UBR4: variants seen among roughly 807,000 people sequenced by gnomAD.
The protein encoded by UBR4 is ubiquitin protein ligase E3 component n-recognin 4, also known as E3 ubiquitin-protein ligase UBR4.
Under a neutral mutation model 575.6 loss-of-function variants are expected in UBR4, and 124 were observed. The observed-to-expected ratio is 0.22, with a 90% CI of 0.19 to 0.25. The LOEUF is 0.25. Among genes scored for constraint, UBR4 ranks in the 10% least tolerant of loss-of-function variants. The probability of loss-of-function intolerance (pLI) is 1.00; values close to 1 mark genes in which losing one functional copy is unlikely to be tolerated. For synonymous variants in UBR4, 2,455 were observed against 2,473.7 expected (o/e 0.99, Z 0.22); for missense variants, 4,818 against 6,478.8 (o/e 0.74, Z 8.80).
intron 60 of UBR4, 82 bp downstream of exon 60, chr1:19,137,925 C>CTCCTGCA: frequency 7.6e-7 from 1 of 1,312,202 alleles, no homozygotes. Context: ...ACTACTCTAC[C>CTCCTGCA]TCCTGCAATT....
chr1:19,117,293 G>A lies in UBR4; in HGVS notation c.10751C>T (p.Thr3584Ile). The change falls in exon 73 of 106, where the codon ACC becomes ATC. Residue 3584 changes from threonine (T) to isoleucine (I), a missense_variant. By Grantham distance (89) the Thr-to-Ile change is moderately conservative. Transcript: ENST00000375254. The surrounding 1 kb of genome is among the most constrained non-coding windows in gnomAD (Gnocchi z 4.0). ...CAGGTTGATGGTCCGCACCATCTTG[G>A]TCCGTTTCAGATCCCCGATTTTCAC... ...VTVKIGDLKR[T>I]KMVRTINLYY... The A allele has an allele frequency of 6.2e-7, 1 of 1,614,134 alleles. No individual in the cohort carries two copies. The highest frequency in any genetic ancestry group is 8.5e-7 in the Non-Finnish European group (1 of 1,180,022).
In UBR4 at chr1:19,155,646, G is replaced by A; in HGVS notation, c.6095C>T (p.Ala2032Val). The A allele has an allele frequency of 1.9e-6, 3 of 1,614,056 alleles. No homozygotes were observed. The South Asian group carries it at 3.3e-5, about 18-fold the overall frequency. Residue 2032 changes from alanine (A) to valine (V), a missense_variant, in exon 43 of 106, where the codon GCC (alanine) becomes GTC (valine). Physicochemically the swap from Ala to Val is moderately conservative, Grantham distance 64. Transcript: ENST00000375254. The stretch of plus-strand genomic sequence containing the variant: ...GAGAAAATAGAAGGTTGGACTCAAG[G>A]CATCAACACACAGGTCATAAATCTG... ...FVKIYDLCVDALSPTFYFLLP... is the reference protein window; with the variant it reads ...FVKIYDLCVDVLSPTFYFLLP...
chr1:19,184,301 G>T, intron 15 of UBR4, 126 bp from the exon 16 acceptor site: 1 of 1,060,864 alleles, frequency 9.4e-7, no homozygotes, highest in Non-Finnish European at 1.3e-6. Flanking sequence ...ATGAATGAAA[G>T]AATCAGATTT....
chr1:19,132,372 G>C (rs1325871850), intron 60 of UBR4, among the ~76,000 whole-genome samples: 1 of 151,808 alleles, frequency 6.6e-6, no homozygotes, highest in African/African-American at 2.4e-5. Flanking sequence ...AGTAGAGACA[G>C]GGTTTTGCTA....
intron 73 of UBR4, among the ~76,000 whole-genome samples, chr1:19,116,729 G>A (rs2080581940): frequency 6.6e-6 from 1 of 152,220 alleles, no homozygotes. Context: ...GGATACATGG[G>A]CTAGGAAGAT....
intron 101 of UBR4, among the ~76,000 whole-genome samples, chr1:19,085,725 C>T (rs1033716200): frequency 3.3e-5 from 5 of 152,104 alleles, no homozygotes; most frequent in Non-Finnish European, 5.9e-5. Context: ...CCAGGAAGGC[C>T]TTCTAAGGAG....
chr1:19,151,486 C>A (rs2150281844), intron 48 of UBR4, 157 bp downstream of exon 48: 1 of 782,514 alleles, frequency 1.3e-6, no homozygotes, highest in East Asian at 2.7e-5. Context: ...CACCTTGCCT[C>A]TTTAATACAT....
chr1:19,159,582 C>G (rs933323941), intron 39 of UBR4, among the ~76,000 whole-genome samples: 7 of 151,228 alleles, frequency 4.6e-5, no homozygotes, highest in African/African-American at 9.7e-5. Context: ...CAAAATGACC[C>G]TGGATTCCCC....
chr1:19,104,119 T>C lies in UBR4; in HGVS notation c.12866A>G (p.Asp4289Gly). ...QRTKLIDETQDMLLEMLEDMT... is the reference protein window; with the variant it reads ...QRTKLIDETQGMLLEMLEDMT... ...GTCCTCCAGCATCTCCAGCAGCATG[T>C]CCTGCGTCTCATCGATCAGCTTGGT... The change falls in exon 87 of 106, where the codon GAC (aspartate) becomes GGC (glycine). Residue 4289 changes from aspartate (D) to glycine (G), a missense_variant. This residue lies in a region of UBR4 where 105 missense variants were observed against 232.8 expected (regional missense o/e 0.45). Transcript: ENST00000375254. The C allele has an allele frequency of 6.2e-7, 1 of 1,614,256 alleles. No homozygotes were observed. The highest frequency in any genetic ancestry group is 1.1e-5 in the South Asian group (1 of 91,092).
rs766728575 is a variant in UBR4 at position 19,161,601 on chromosome 1, A to G, written c.5163T>C (p.Asp1721=). Residue 1721 remains aspartate (D), a synonymous_variant, in exon 37 of 106, where the codon GAT becomes GAC. Transcript: ENST00000375254. Reference sequence around the variant, plus strand: ...AGGGTCCTCTCACCAAACAGCTGCCATCTTCCTTGGCTCCACAGTCACAGA... The same window carrying G: ...AGGGTCCTCTCACCAAACAGCTGCCGTCTTCCTTGGCTCCACAGTCACAGA... ...SFFCDCGAKE[D]GSCLALVKRT... 1.9e-6 allele frequency: 3 copies of G among 1,609,134 alleles called. No homozygotes were observed. The highest frequency in any genetic ancestry group is 1.1e-5 in the South Asian group (1 of 90,414).
At chr1:19,142,222 G>C (rs780810156) in intron 55 of UBR4, among the ~76,000 whole-genome samples, 1 of 152,162 alleles carries the variant, frequency 6.6e-6, no homozygotes, top group Non-Finnish European at 1.5e-5. Context: ...AGGTCAGTGA[G>C]ATTTTCACAC....
intron 1 of UBR4, among the ~76,000 whole-genome samples, chr1:19,203,809 C>A (rs2092869015): frequency 6.6e-6 from 1 of 152,150 alleles, no homozygotes; most frequent in Non-Finnish European, 1.5e-5. Flanking sequence ...GATCCTCCTG[C>A]CCACTAAGGG....
rs2083821386 is a variant in UBR4, at chr1:19,140,840, T to G, written c.8541A>C (p.Ala2847=). ...CTGCGTCCAGAGAGGAAGAGCTGGG[T>G]GCCTGGCCGGACAGTCCCAGGCTCT... ...GLQSLGLSGQ[A]PSSSSLDAGT... The change falls in exon 58 of 106, where the codon GCA becomes GCC. Residue 2847 remains alanine, a synonymous_variant. Coordinates refer to ENST00000375254, the MANE Select transcript of UBR4 (RefSeq NM_020765.3). The G allele has an allele frequency of 1.2e-6, 2 of 1,613,026 alleles. No individual in the cohort carries two copies. Among genetic ancestry groups the G allele is most frequent in the African/African-American group, 1.3e-5 (1 of 74,916 alleles).
At position 19,087,908 on chromosome 1, in the gene UBR4, C is replaced by T. The variant is rs756734990; in HGVS notation, c.14452G>A (p.Val4818Met). 3.7e-6 allele frequency: 6 copies of T among 1,607,308 alleles called. No individual in the cohort carries two copies. Among genetic ancestry groups the T allele is most frequent in the Non-Finnish European group, 5.1e-6 (6 of 1,175,874 alleles). ...TGCTTCAGGAGTGCTGTCTTGGTCA[C>T]GACCTGGCCCTTTTCATTTGTCTGT... Reference protein sequence around the residue: ...GMTTNEKGQVVTKTALLKQME... With the variant: ...GMTTNEKGQVMTKTALLKQME... The change falls in exon 99 of 106, where the codon GTG becomes ATG. Residue 4818 changes from valine (V) to methionine (M), a missense_variant. Val to Met is a conservative substitution (Grantham distance 21, BLOSUM62 1). Transcript: ENST00000375254.
rs1377052015 is a variant in UBR4, at chr1:19,176,631, T to C, written c.2734A>G (p.Lys912Glu). 2.5e-6 allele frequency: 4 copies of C among 1,614,036 alleles called. No homozygotes were observed. Among genetic ancestry groups the C allele is most frequent in the Non-Finnish European group, 2.5e-6 (3 of 1,180,004 alleles). ...RATTPLYHGF[K>E]EVEENWSKHF... is the part of the protein sequence containing the mutation. ...TTAGACCAGTTTTCTTCTACTTCTT[T>C]GAATCCATGATAGAGAGGAGTGGTT... Residue 912 changes from lysine (K) to glutamate (E), a missense_variant, in exon 20 of 106, where the codon AAA becomes GAA. Lys to Glu is a moderately conservative substitution (Grantham distance 56). This residue lies in a region of UBR4 where 1,172 missense variants were observed against 1,259.7 expected (regional missense o/e 0.93). Coordinates refer to ENST00000375254, the MANE Select transcript of UBR4 (RefSeq NM_020765.3).
chr1:19,125,683 C>T (rs1452552810), intron 64 of UBR4: 3 of 152,248 alleles, frequency 2.0e-5, no homozygotes, highest in Admixed American at 6.5e-5. Flanking sequence ...TGGCTGGGTC[C>T]TCCAGAACTC....
chr1:19,204,810 T>C (rs2092927863), intron 1 of UBR4, among the ~76,000 whole-genome samples: 1 of 152,068 alleles, frequency 6.6e-6, no homozygotes, highest in Non-Finnish European at 1.5e-5. Flanking sequence ...GTAATGGACA[T>C]TGTCATATCT....
At chr1:19,160,040 G>C in intron 39 of UBR4, 71 bp downstream of exon 39, 5 of 1,565,254 alleles carry the variant, frequency 3.2e-6, no homozygotes, top group Non-Finnish European at 4.3e-6. Context: ...AGAGCATCTA[G>C]CACATTTTGG....
chr1:19,135,056 TA>T (rs1271946104), intron 60 of UBR4, among the ~76,000 whole-genome samples: 1 of 152,228 alleles, frequency 6.6e-6, no homozygotes, highest in African/African-American at 2.4e-5. Flanking sequence ...AATAAAATGT[TA>T]CTCTTTGTAT....
Sources: allele counts gnomAD v4.1 joint callset (sites outside exome capture counted in the v4.1 genomes callset), GRCh38; gene constraint gnomAD v4.1.1; regional missense constraint gnomAD v4.1.1; non-coding constraint Gnocchi (gnomAD v3.1); transcripts MANE v1.5; gene names NCBI Gene and HGNC (gene_info 2026-07-23, HGNC 2026-07-21).